Variants in ZNF730 observed in about 807,000 individuals in gnomAD.
The protein encoded by ZNF730 is zinc finger protein 730.
ZNF730 carries 12 observed loss-of-function variants against 12.6 expected under a neutral mutation model. That is an observed-to-expected ratio of 0.95 (90% CI 0.61 to 1.54). ZNF730 has a LOEUF of 1.54. ZNF730 is among the 40% of genes most tolerant of loss of function. The probability of loss-of-function intolerance (pLI) is 0.00; values close to 1 mark genes in which losing one functional copy is unlikely to be tolerated. For synonymous variants in ZNF730, 194 were observed against 195.8 expected (o/e 0.99, Z 0.08); for missense variants, 643 against 583.5 (o/e 1.10, Z -1.05).
At chr19:23,141,826 G>A (rs866589782) in intron 3 of ZNF730, among the ~76,000 whole-genome samples, 1 of 152,040 alleles carries the variant, frequency 6.6e-6, no homozygotes, top group Non-Finnish European at 1.5e-5. Flanking sequence ...TAAGGTTATT[G>A]ATGGGTGCCC....
chr19:23,130,633 T>C (rs1015761185), intron 1 of ZNF730, among the ~76,000 whole-genome samples: 1 of 152,230 alleles, frequency 6.6e-6, no homozygotes, highest in African/African-American at 2.4e-5. Context: ...TAAAAATACA[T>C]ATTCATCTTT....
chr19:23,081,866 C>T (rs1027724830), intron 1 of ZNF730, among the ~76,000 whole-genome samples: 2 of 152,172 alleles, frequency 1.3e-5, no homozygotes, highest in African/African-American at 2.4e-5. Context: ...TATCTTTCCA[C>T]CTCAGCTTCC....
chr19:23,076,649 G>A (rs969420594), intron 1 of ZNF730, among the ~76,000 whole-genome samples: 5 of 152,104 alleles, frequency 3.3e-5, no homozygotes, highest in African/African-American at 7.2e-5. Context: ...CTGGGCCTGA[G>A]GACAGTCTCC....
At chr19:23,088,693 G>A (rs1226439881) in intron 1 of ZNF730, among the ~76,000 whole-genome samples, 1 of 151,924 alleles carries the variant, frequency 6.6e-6, no homozygotes, top group African/African-American at 2.4e-5. Context: ...TTGAACTCCT[G>A]ACCTCAAGTG....
At chr19:23,127,189 A>G (rs1970681897) in intron 1 of ZNF730, 1 of 568,114 alleles carries the variant, frequency 1.8e-6, no homozygotes, top group South Asian at 1.5e-5. Context: ...TACATCCTTT[A>G]CTCCGGAAAT....
At chr19:23,090,038 G>A (rs998429382) in intron 1 of ZNF730, among the ~76,000 whole-genome samples, 5 of 152,156 alleles carry the variant, frequency 3.3e-5, no homozygotes, top group African/African-American at 1.2e-4. Flanking sequence ...ACGAGGTCAA[G>A]AGATCAAGAC....
chr19:23,137,690 G>C (rs2145679098), intron 3 of ZNF730, among the ~76,000 whole-genome samples: 1 of 152,278 alleles, frequency 6.6e-6, no homozygotes. Flanking sequence ...CACCTCTTCA[G>C]GTTTTTATAA....
At chr19:23,113,439 A>C (rs990657511), upstream of ZNF730, among the ~76,000 whole-genome samples, 1 of 152,242 alleles carries the variant, frequency 6.6e-6, no homozygotes, top group African/African-American at 2.4e-5. Flanking sequence ...ATATGTAACT[A>C]TGATGAAACC....
chr19:23,114,300 C>CTTTTTTTTTTTTTTT (rs11413226), upstream of ZNF730, among the ~76,000 whole-genome samples: 13 of 119,538 alleles, frequency 1.1e-4, 3 homozygotes, highest in African/African-American at 2.8e-4. Context: ...TTTTCTTTTT[C>CTTTTTTTTTTTTTTT]TTTTCTTTTT....
intron 1 of ZNF730, among the ~76,000 whole-genome samples, chr19:23,103,268 G>A (rs1279660402): frequency 6.6e-6 from 1 of 152,196 alleles, no homozygotes; most frequent in Non-Finnish European, 1.5e-5. Context: ...ATGGTGGAAG[G>A]ATTGTAAAAA....
chr19:23,099,670 T>C (rs1202178175), intron 1 of ZNF730, among the ~76,000 whole-genome samples: 1 of 152,144 alleles, frequency 6.6e-6, no homozygotes, highest in East Asian at 1.9e-4. Flanking sequence ...CATTCCACCA[T>C]TGAGATTGTG....
At chr19:23,081,543 T>C (rs1359387011) in intron 1 of ZNF730, among the ~76,000 whole-genome samples, 72 of 151,802 alleles carry the variant, frequency 4.7e-4, no homozygotes, top group South Asian at 8.4e-4. Context: ...TGGTCTCAAA[T>C]TCCTGACCCC....
At chr19:23,077,932 C>T (rs1355212889) in intron 1 of ZNF730, among the ~76,000 whole-genome samples, 1 of 152,156 alleles carries the variant, frequency 6.6e-6, no homozygotes, top group African/African-American at 2.4e-5. Flanking sequence ...GGATTTAGGG[C>T]TATGCAGGAT....
intron 1 of ZNF730, among the ~76,000 whole-genome samples, chr19:23,119,477 A>G (rs753345381): frequency 6.6e-6 from 1 of 152,206 alleles, no homozygotes. Flanking sequence ...CATCAAGGAT[A>G]TTAGCCTGAA....
At chr19:23,107,923 G>T (rs764605128) in intron 1 of ZNF730, among the ~76,000 whole-genome samples, 11 of 151,916 alleles carry the variant, frequency 7.2e-5, no homozygotes, top group Admixed American at 1.3e-4. Flanking sequence ...CAATTTTTTT[G>T]TTGTTGTTGT....
intron 1 of ZNF730, among the ~76,000 whole-genome samples, chr19:23,133,456 C>T (rs1167185999): frequency 6.6e-6 from 1 of 152,238 alleles, no homozygotes; most frequent in Non-Finnish European, 1.5e-5. Context: ...ATTCGCCTGC[C>T]TCAGCCTTCC....
chr19:23,109,886 A>G (rs1355809163), intron 1 of ZNF730, among the ~76,000 whole-genome samples: 1 of 151,926 alleles, frequency 6.6e-6, no homozygotes, highest in Admixed American at 6.6e-5. Context: ...ATCTGAGTAT[A>G]TCTAATTGTC....
At chr19:23,101,591 T>C (rs1419026509) in intron 1 of ZNF730, among the ~76,000 whole-genome samples, 1 of 152,204 alleles carries the variant, frequency 6.6e-6, no homozygotes, top group Non-Finnish European at 1.5e-5. Context: ...AGCCCACAGA[T>C]GAGATTGTGA....
intron 1 of ZNF730, among the ~76,000 whole-genome samples, chr19:23,118,376 T>TTG (rs970828464): frequency 2.0e-5 from 3 of 151,872 alleles, no homozygotes; most frequent in African/African-American, 4.8e-5. Flanking sequence ...GTTTTTTTTT[T>TTG]TTGTTTTTTT....
Sources: allele counts gnomAD v4.1 joint callset (sites outside exome capture counted in the v4.1 genomes callset), GRCh38; gene constraint gnomAD v4.1.1; transcripts MANE v1.5; gene names NCBI Gene and HGNC (gene_info 2026-07-23, HGNC 2026-07-21).